GPR158: variants seen among roughly 807,000 people sequenced by gnomAD.
GPR158 encodes metabotropic glycine receptor.
GPR158 carries 30 observed loss-of-function variants against 78.2 expected under a neutral mutation model. The observed-to-expected ratio is 0.38, with a 90% CI of 0.29 to 0.52. The LOEUF (loss-of-function observed/expected upper bound fraction) is 0.52, where lower values mean the gene tolerates loss of function less well. Ranked by LOEUF, GPR158 falls within the 20% of genes least tolerant of loss-of-function variation. The pLI is 0.83. For missense variants in GPR158, 1,463 were observed against 1,523.5 expected, an observed-to-expected ratio of 0.96 and a Z score of 0.66; for synonymous variants, 581 against 591.1, an observed-to-expected ratio of 0.98 and a Z score of 0.25.
chr10:25,260,618 C>T (rs982329459), intron 2 of GPR158, among the ~76,000 whole-genome samples: 2 of 151,738 alleles, frequency 1.3e-5, no homozygotes, highest in African/African-American at 2.4e-5. Flanking sequence ...TTTTATTCCT[C>T]CCTCATTTTA....
intron 5 of GPR158, among the ~76,000 whole-genome samples, chr10:25,500,575 A>G (rs925449233): frequency 6.6e-6 from 1 of 152,208 alleles, no homozygotes; most frequent in African/African-American, 2.4e-5. Context: ...ACAGTAATTT[A>G]TTTGAGATGA....
At chr10:25,395,838 A>G (rs1588843639) in intron 2 of GPR158, 73 bp from the exon 3 acceptor site, 5 of 613,126 alleles carry the variant, frequency 8.2e-6, no homozygotes, top group Non-Finnish European at 1.5e-5. Flanking sequence ...ATTTGCAATG[A>G]TGGATATCTG....
intron 2 of GPR158, among the ~76,000 whole-genome samples, chr10:25,350,281 T>A (rs1409194602): frequency 6.6e-6 from 1 of 152,032 alleles, no homozygotes; most frequent in Non-Finnish European, 1.5e-5. Context: ...AATTCAATAT[T>A]TTTAAATGAA....
intron 2 of GPR158, among the ~76,000 whole-genome samples, chr10:25,334,809 A>G (rs958164373): frequency 7.0e-6 from 1 of 141,958 alleles, no homozygotes; most frequent in African/African-American, 3.1e-5. Flanking sequence ...ATATGAAATG[A>G]GATTTTTGCT....
intron 4 of GPR158, among the ~76,000 whole-genome samples, chr10:25,417,272 A>G (rs2130555336): frequency 6.6e-6 from 1 of 152,332 alleles, no homozygotes; most frequent in Middle Eastern, 3.4e-3. Flanking sequence ...AATACAGCAC[A>G]GGCAAATCAA....
At chr10:25,566,544 AGAGAAAAAAGGAAGGT>A (rs1038060665) in intron 6 of GPR158, among the ~76,000 whole-genome samples, 1 of 152,092 alleles carries the variant, frequency 6.6e-6, no homozygotes, top group African/African-American at 2.4e-5. Flanking sequence ...ACCTTCAATT[AGAGAAAAAAGGAAGGT>A]GAGAAAAAAG....
chr10:25,556,651 CTT>C (rs1475691110), intron 6 of GPR158, among the ~76,000 whole-genome samples: 5 of 152,170 alleles, frequency 3.3e-5, no homozygotes, highest in African/African-American at 1.2e-4. Flanking sequence ...AGGAAGGTCT[CTT>C]TCCCAGTCAA....
intron 2 of GPR158, among the ~76,000 whole-genome samples, chr10:25,357,843 T>TGG (rs1440867597): frequency 6.6e-6 from 1 of 151,966 alleles, no homozygotes; most frequent in Non-Finnish European, 1.5e-5. Context: ...GCCACCATAG[T>TGG]CCAGATACCA....
chr10:25,486,593 G>A (rs1477504197), intron 5 of GPR158, among the ~76,000 whole-genome samples: 1 of 152,064 alleles, frequency 6.6e-6, no homozygotes, highest in Non-Finnish European at 1.5e-5. Context: ...GCTAAAACGT[G>A]GTTTTTTGGA....
intron 3 of GPR158, among the ~76,000 whole-genome samples, chr10:25,400,218 G>C (rs752590694): frequency 6.6e-6 from 1 of 152,018 alleles, no homozygotes; most frequent in Non-Finnish European, 1.5e-5. Context: ...TGCCTAATAG[G>C]GAGAAACAGA....
At chr10:25,417,842 T>C (rs1834684067) in intron 4 of GPR158, among the ~76,000 whole-genome samples, 1 of 152,112 alleles carries the variant, frequency 6.6e-6, no homozygotes, top group South Asian at 2.1e-4. Context: ...TCTGAGACTT[T>C]TTCTCTGCTT....
At chr10:25,511,401 A>G (rs1472754396) in intron 5 of GPR158, among the ~76,000 whole-genome samples, 3 of 151,006 alleles carry the variant, frequency 2.0e-5, no homozygotes, top group African/African-American at 7.3e-5. Flanking sequence ...TATTTGTTTT[A>G]CTCTTGCTGA....
intron 4 of GPR158, among the ~76,000 whole-genome samples, chr10:25,452,125 C>A (rs1375653892): frequency 6.6e-6 from 1 of 151,866 alleles, no homozygotes; most frequent in Non-Finnish European, 1.5e-5. Context: ...GCAGACTCAA[C>A]CTCCTGGGCT....
intron 5 of GPR158, among the ~76,000 whole-genome samples, 169 bp from the exon 6 acceptor site, chr10:25,550,807 T>C (rs1433889408): frequency 2.0e-5 from 3 of 152,162 alleles, no homozygotes; most frequent in Admixed American, 6.6e-5. Context: ...AGGGAGACTG[T>C]GTATTTCTTT....
At chr10:25,260,567 A>G (rs1222944364) in intron 2 of GPR158, among the ~76,000 whole-genome samples, 1 of 151,318 alleles carries the variant, frequency 6.6e-6, no homozygotes, top group Non-Finnish European at 1.5e-5. Context: ...ACTGACTTGT[A>G]TTATTCTTTT....
chr10:25,560,332 C>G (rs1423743825), intron 6 of GPR158, among the ~76,000 whole-genome samples: 1 of 152,182 alleles, frequency 6.6e-6, no homozygotes, highest in Non-Finnish European at 1.5e-5. Context: ...GTGGCGTGAT[C>G]TCGGCTCACT....
intron 4 of GPR158, among the ~76,000 whole-genome samples, chr10:25,450,029 C>T (rs1207842881): frequency 2.0e-5 from 3 of 150,978 alleles, no homozygotes; most frequent in Admixed American, 6.6e-5. Flanking sequence ...CTCCCTGACA[C>T]TGCCATGTCC....
At chr10:25,282,440 CATGTACAG>C (rs1854289010) in intron 2 of GPR158, among the ~76,000 whole-genome samples, 1 of 152,094 alleles carries the variant, frequency 6.6e-6, no homozygotes, top group Non-Finnish European at 1.5e-5. Context: ...TATAAATATT[CATGTACAG>C]GTTTTTGTGT....
At chr10:25,259,022 C>CT (rs1564404540) in intron 2 of GPR158, among the ~76,000 whole-genome samples, 1 of 152,086 alleles carries the variant, frequency 6.6e-6, no homozygotes. Flanking sequence ...TCATGAAATT[C>CT]TTTTTGATGA....
Sources: allele counts gnomAD v4.1 joint callset (sites outside exome capture counted in the v4.1 genomes callset), GRCh38; gene constraint gnomAD v4.1.1; transcripts MANE v1.5; gene names NCBI Gene and HGNC (gene_info 2026-07-23, HGNC 2026-07-21).